TICAM2: variants seen among roughly 807,000 people sequenced by gnomAD.
The protein encoded by TICAM2 is TIR domain-containing adapter molecule 2.
In TICAM2, 8 loss-of-function variants were observed where a neutral mutation model predicts 7.3. The observed-to-expected ratio is 1.10, with a 90% CI of 0.65 to 1.99. The LOEUF (loss-of-function observed/expected upper bound fraction) is 1.99. TICAM2 is among the 30% of genes most tolerant of loss of function. TICAM2 has a pLI of 0.00. For missense variants in TICAM2, 304 were observed against 278.8 expected (o/e 1.09, Z -0.65); for synonymous variants, 113 against 99.6 (o/e 1.13, Z -0.80).
intron 1 of TICAM2, among the ~76,000 whole-genome samples, chr5:115,601,586 G>C (rs906830885): frequency 2.6e-5 from 4 of 152,094 alleles, no homozygotes; most frequent in African/African-American, 9.7e-5. Context: ...ATAAATATGA[G>C]AATATTTTAA....
At chr5:115,582,927 A>C (rs1356536811) in intron 1 of TICAM2, among the ~76,000 whole-genome samples, 1 of 152,230 alleles carries the variant, frequency 6.6e-6, no homozygotes, top group African/African-American at 2.4e-5. Context: ...AAATGTTTGC[A>C]GCTGCCTCTG....
Position 115,580,376 on chromosome 5 carries a change from G to T in TICAM2, c.*173C>A, listed in dbSNP as rs1754872369. 2.4e-6 allele frequency: 2 copies of T among 850,074 alleles called. No individual in the cohort carries two copies. The allele number at this position is 850,074 out of a possible 1,614,324, so 52.7% of individuals were successfully genotyped here. ...GTCAAGTTTACTGAAACATCAAAAA[G>T]TACCACAATTTTATAGGCTGTCCTG... On this transcript the variant is annotated 3_prime_UTR_variant, in exon 2 of 2. Transcript: ENST00000427199.
intron 1 of TICAM2, among the ~76,000 whole-genome samples, chr5:115,593,255 A>C (rs1326221927): frequency 6.6e-6 from 1 of 152,200 alleles, no homozygotes; most frequent in African/African-American, 2.4e-5. Flanking sequence ...AACTGGAAAT[A>C]AAAGAGTCTT....
At position 115,595,296 on chromosome 5, in the gene TICAM2, C is replaced by T. The variant is rs915595796; in HGVS notation, c.-60+6801G>A. Among the ~76,000 whole-genome samples the T allele has an allele frequency of 3.3e-5, 5 of 152,148 alleles. No individual in the cohort carries two copies. In the East Asian group the frequency reaches 5.8e-4, roughly 18 times the overall value. Reference sequence around the variant, plus strand: ...CTAATATCCTCTCTACCGATTACGACGGAAACCTACAAATTATTCTCATAT... The same window carrying T: ...CTAATATCCTCTCTACCGATTACGATGGAAACCTACAAATTATTCTCATAT... On this transcript the variant is annotated intron_variant, in intron 1 of 1. Transcript: ENST00000427199.
intron 1 of TICAM2, among the ~76,000 whole-genome samples, chr5:115,583,862 G>A (rs1406226971): frequency 1.3e-5 from 2 of 152,174 alleles, no homozygotes; most frequent in African/African-American, 2.4e-5. Context: ...CTCCTTTAAA[G>A]TTCTCCTCCT....
At chr5:115,586,528 T>A (rs1755112650) in intron 1 of TICAM2, among the ~76,000 whole-genome samples, 1 of 151,868 alleles carries the variant, frequency 6.6e-6, no homozygotes. Context: ...GTACCCCAGC[T>A]GCTAAGGAAA....
intron 1 of TICAM2, among the ~76,000 whole-genome samples, chr5:115,600,962 C>T (rs1217634974): frequency 6.6e-6 from 1 of 152,184 alleles, no homozygotes; most frequent in African/African-American, 2.4e-5. Flanking sequence ...TGACTCAACA[C>T]AGATGCCCAT....
chr5:115,583,825 A>C (rs910447548), intron 1 of TICAM2, among the ~76,000 whole-genome samples: 2 of 152,206 alleles, frequency 1.3e-5, no homozygotes, highest in Admixed American at 6.5e-5. Context: ...AATCTGGGGA[A>C]GGTTGGCCAA....
intron 1 of TICAM2, among the ~76,000 whole-genome samples, chr5:115,595,765 C>CA (rs1755488067): frequency 6.6e-6 from 1 of 152,166 alleles, no homozygotes; most frequent in Non-Finnish European, 1.5e-5. Flanking sequence ...ACGGTTTTCC[C>CA]AAATGTCATG....
At position 115,578,514 on chromosome 5, in the gene TICAM2, A is replaced by G. The variant is rs1049962567; in HGVS notation, c.*2035T>C. 6.6e-6 allele frequency: 1 copy of G among 152,092 alleles called. No individual in the cohort carries two copies. Among genetic ancestry groups the G allele is most frequent in the Non-Finnish European group, 1.5e-5 (1 of 68,020 alleles). 9.4% of individuals were successfully genotyped at this position (152,092 alleles called of 1,614,324 possible). A position where few individuals can be genotyped will look rare whatever the true frequency, so the allele number is the denominator to read the frequency against. On this transcript the variant is annotated 3_prime_UTR_variant, in exon 2 of 2. Coordinates refer to ENST00000427199, the MANE Select transcript of TICAM2 (RefSeq NM_021649.7). ...CGCCCGGCCAACATTTTTCTTTATC[A>G]TAAAAAAAATATGGAACTCCAAATT...
At chr5:115,600,627 T>C (rs1389160098) in intron 1 of TICAM2, among the ~76,000 whole-genome samples, 2 of 152,016 alleles carry the variant, frequency 1.3e-5, no homozygotes, top group South Asian at 2.1e-4. Context: ...GAGGGAGTGA[T>C]CAAATGTTAC....
At chr5:115,583,043 A>G (rs888850168) in intron 1 of TICAM2, among the ~76,000 whole-genome samples, 1 of 152,352 alleles carries the variant, frequency 6.6e-6, no homozygotes, top group Non-Finnish European at 1.5e-5. Flanking sequence ...CTAAGGCATA[A>G]TAACTCTAAA....
chr5:115,580,711 T>C lies in TICAM2; in HGVS notation c.546A>G (p.Arg182=). Residue 182 remains arginine, a synonymous_variant, in exon 2 of 2, where the codon CGA becomes CGG. Transcript: ENST00000427199. ...PMRPLNNPLP[R]ERTPFALQTI... is the part of the protein sequence containing the mutation. The stretch of plus-strand genomic sequence containing the variant: ...TTTGGAGGGCAAAGGGAGTCCTTTC[T>C]CGGGGAAGGGGATTGTTCAGGGGCC... 1.3e-6 allele frequency: 2 copies of C among 1,598,456 alleles called. No individual in the cohort carries two copies. The highest frequency in any genetic ancestry group is 1.7e-6 in the Non-Finnish European group (2 of 1,174,252).
At chr5:115,582,917 A>G (rs1289377439) in intron 1 of TICAM2, among the ~76,000 whole-genome samples, 3 of 152,222 alleles carry the variant, frequency 2.0e-5, no homozygotes, top group Non-Finnish European at 4.4e-5. Context: ...ATGTGAGTAA[A>G]AATGTTTGCA....
chr5:115,590,390 A>G (rs1203219306), intron 1 of TICAM2, among the ~76,000 whole-genome samples: 2 of 152,216 alleles, frequency 1.3e-5, no homozygotes, highest in Non-Finnish European at 2.9e-5. Flanking sequence ...TACAAAGTAG[A>G]CAAAAGGACC....
At chr5:115,599,703 G>A (rs1193341353) in intron 1 of TICAM2, among the ~76,000 whole-genome samples, 1 of 152,186 alleles carries the variant, frequency 6.6e-6, no homozygotes, top group Admixed American at 6.5e-5. Flanking sequence ...TGGTCTAGCA[G>A]ACACCAGCTG....
At chr5:115,601,276 TA>T (rs955671567) in intron 1 of TICAM2, among the ~76,000 whole-genome samples, 2 of 145,736 alleles carry the variant, frequency 1.4e-5, no homozygotes, top group Non-Finnish European at 1.5e-5. Flanking sequence ...AATTAAACAA[TA>T]AAAAAATAGA....
intron 1 of TICAM2, among the ~76,000 whole-genome samples, chr5:115,585,790 G>C (rs1755081623): frequency 6.6e-6 from 1 of 152,168 alleles, no homozygotes; most frequent in African/African-American, 2.4e-5. Context: ...GATCTGACTA[G>C]TTTTCACAGG....
In TICAM2 at chr5:115,580,574, A is replaced by G. The variant is rs772540465; in HGVS notation, c.683T>C (p.Met228Thr). The change falls in exon 2 of 2, where the codon ATG becomes ACG. Residue 228 changes from methionine (M) to threonine (T), a missense_variant. Met to Thr is a moderately conservative substitution (Grantham distance 81). Coordinates refer to ENST00000427199, the MANE Select transcript of TICAM2 (RefSeq NM_021649.7). ...QQTIWKETRN[M>T]VQRQFIA ...TCAGGCAATAAATTGTCTTTGTACC[A>G]TATTTCTTGTCTCTTTCCATATAGT... 9 of 1,599,296 alleles carry G rather than the reference A, an allele frequency of 5.6e-6. No individual in the cohort carries two copies. The highest frequency in any genetic ancestry group is 1.8e-5 in the Admixed American group (1 of 55,888).
Sources: allele counts gnomAD v4.1 joint callset (sites outside exome capture counted in the v4.1 genomes callset), GRCh38; gene constraint gnomAD v4.1.1; transcripts MANE v1.5; gene names NCBI Gene and HGNC (gene_info 2026-07-23, HGNC 2026-07-21).